Variants in MMP16 observed in about 807,000 individuals in gnomAD.
The protein encoded by MMP16 is matrix metallopeptidase 16.
MMP16 carries 12 observed loss-of-function variants against 67.8 expected under a neutral mutation model. That is an observed-to-expected ratio of 0.18 (90% CI 0.11 to 0.29). MMP16 has a LOEUF of 0.29. Among genes scored for constraint, MMP16 ranks in the 10% least tolerant of loss-of-function variants. The pLI is 1.00. For synonymous variants in MMP16, 249 were observed against 255.9 expected (o/e 0.97, Z 0.26); for missense variants, 475 against 765.7 (o/e 0.62, Z 4.48).
Position 88,036,673 on chromosome 8 carries a change from A to C in MMP16, c.*4788T>G, listed in dbSNP as rs1285072987. The C allele has an allele frequency of 6.6e-6, 1 of 151,928 alleles. No individual in the cohort carries two copies. Among genetic ancestry groups the C allele is most frequent in the East Asian group, 1.9e-4 (1 of 5,174 alleles). The allele number at this position is 151,928 out of a possible 1,614,324, so 9.4% of individuals were successfully genotyped here. ...TACAGCCGAATGATTAGATCCTCTT[A>C]TATGATTGACTTGACACATTTTGTG... On this transcript the variant is annotated 3_prime_UTR_variant, in exon 10 of 10. Transcript: ENST00000286614.
intron 8 of MMP16, among the ~76,000 whole-genome samples, chr8:88,051,614 C>T (rs945525233): frequency 5.3e-5 from 8 of 151,976 alleles, no homozygotes; most frequent in South Asian, 2.1e-4. Flanking sequence ...TATTTTTGAA[C>T]GACTCAAAAA....
chr8:88,155,131 C>T (rs188766226), intron 4 of MMP16, among the ~76,000 whole-genome samples: 38 of 152,012 alleles, frequency 2.5e-4, no homozygotes, highest in East Asian at 1.9e-4. Context: ...AATGTTTGGT[C>T]CAAATTTTGT....
intron 1 of MMP16, among the ~76,000 whole-genome samples, chr8:88,326,218 T>C (rs1380024335): frequency 1.1e-4 from 16 of 152,308 alleles, no homozygotes; most frequent in Admixed American, 8.5e-4. Context: ...ACGCTTTCAT[T>C]GATTTATTGC....
intron 4 of MMP16, among the ~76,000 whole-genome samples, chr8:88,141,039 A>G (rs1397572484): frequency 6.6e-6 from 1 of 152,192 alleles, no homozygotes; most frequent in East Asian, 1.9e-4. Flanking sequence ...CACAGAGAAA[A>G]TAACTGTAAC....
chr8:88,162,622 C>T (rs1340686059), intron 4 of MMP16, among the ~76,000 whole-genome samples: 1 of 151,938 alleles, frequency 6.6e-6, no homozygotes, highest in African/African-American at 2.4e-5. Flanking sequence ...CGTAAATATC[C>T]AGTTGGTATC....
At chr8:88,085,104 A>C (rs1274631386) in intron 6 of MMP16, among the ~76,000 whole-genome samples, 1 of 151,986 alleles carries the variant, frequency 6.6e-6, no homozygotes, top group Non-Finnish European at 1.5e-5. Flanking sequence ...TTTCACACTA[A>C]ATTTTGTTCT....
At chr8:88,065,493 A>G (rs1563521537) in intron 7 of MMP16, among the ~76,000 whole-genome samples, 1 of 152,018 alleles carries the variant, frequency 6.6e-6, no homozygotes, top group African/African-American at 2.4e-5. Flanking sequence ...ATTAATACTA[A>G]AATTCCATAA....
At chr8:88,298,053 G>A (rs908682617) in intron 1 of MMP16, among the ~76,000 whole-genome samples, 5 of 152,064 alleles carry the variant, frequency 3.3e-5, no homozygotes, top group Admixed American at 2.0e-4. Flanking sequence ...AAAAGGCAGG[G>A]AAAAAATGAT....
intron 4 of MMP16, among the ~76,000 whole-genome samples, chr8:88,165,651 T>C (rs1248361775): frequency 2.0e-5 from 3 of 152,152 alleles, no homozygotes; most frequent in African/African-American, 7.2e-5. Context: ...TTTTAAATGA[T>C]TTATGTGTCA....
intron 4 of MMP16, among the ~76,000 whole-genome samples, chr8:88,162,049 A>G (rs1808635647): frequency 6.6e-6 from 1 of 151,858 alleles, no homozygotes; most frequent in South Asian, 2.1e-4. Context: ...CTTTATTAAC[A>G]ACTCTATATT....
chr8:88,063,302 TG>T (rs1273022761), intron 7 of MMP16, among the ~76,000 whole-genome samples: 5 of 152,176 alleles, frequency 3.3e-5, no homozygotes, highest in Non-Finnish European at 7.4e-5. Flanking sequence ...CTGTTTATTA[TG>T]AGCCTATTAT....
chr8:88,072,116 T>C (rs1388338552), intron 7 of MMP16, among the ~76,000 whole-genome samples: 7 of 152,136 alleles, frequency 4.6e-5, no homozygotes, highest in African/African-American at 1.7e-4. Flanking sequence ...GATTACCTCA[T>C]GGCCCATAGA....
At chr8:88,220,895 C>G (rs28904620) in intron 1 of MMP16, among the ~76,000 whole-genome samples, 3 of 152,068 alleles carry the variant, frequency 2.0e-5, no homozygotes, top group Admixed American at 1.3e-4. Context: ...GTTGCTCCCT[C>G]CTGAAACCCT....
At chr8:88,251,388 G>A (rs1810218320) in intron 1 of MMP16, among the ~76,000 whole-genome samples, 1 of 149,952 alleles carries the variant, frequency 6.7e-6, no homozygotes, top group South Asian at 2.1e-4. Context: ...AACAAGCAAT[G>A]GGGAAAGGAT....
Position 88,035,377 on chromosome 8 carries a change from T to TGC in MMP16, c.*6082_*6083dup, listed in dbSNP as rs1808041245. On this transcript the variant is annotated 3_prime_UTR_variant, in exon 10 of 10. Transcript: ENST00000286614. The surrounding 1 kb of genome is among the most constrained non-coding windows in gnomAD (Gnocchi z 4.7). Reference sequence around the variant, plus strand: ...CCCTTTAATGTGAGGACACGCTGAGTGCACATTTGAATATCATCCCCAGTC... The same window carrying TGC: ...CCCTTTAATGTGAGGACACGCTGAGTGCGCACATTTGAATATCATCCCCAGTC... 6.6e-6 allele frequency: 1 copy of TGC among 152,074 alleles called. No homozygotes were observed. The highest frequency in any genetic ancestry group is 1.5e-5 in the Non-Finnish European group (1 of 67,958). 9.4% of individuals were successfully genotyped at this position (152,074 alleles called of 1,614,324 possible). A position where few individuals can be genotyped will look rare whatever the true frequency, so the allele number is the denominator to read the frequency against.
intron 1 of MMP16, among the ~76,000 whole-genome samples, chr8:88,289,102 G>A (rs964577215): frequency 1.3e-5 from 2 of 151,896 alleles, no homozygotes; most frequent in African/African-American, 4.8e-5. Flanking sequence ...AGATGGTACA[G>A]CCCAGAAAGA....
chr8:88,206,629 C>T (rs914500760), intron 1 of MMP16, among the ~76,000 whole-genome samples: 7 of 152,136 alleles, frequency 4.6e-5, no homozygotes, highest in Admixed American at 3.3e-4. Context: ...ACATAATTAT[C>T]TTACTTTTTA....
At chr8:88,157,996 TG>T (rs1215403420) in intron 4 of MMP16, among the ~76,000 whole-genome samples, 2 of 152,318 alleles carry the variant, frequency 1.3e-5, no homozygotes, top group East Asian at 3.9e-4. Flanking sequence ...ACAAAGGACA[TG>T]AACTCATCAT....
intron 4 of MMP16, among the ~76,000 whole-genome samples, 172 bp from the exon 5 acceptor site, chr8:88,119,033 T>C (rs757660063): frequency 6.6e-6 from 1 of 151,844 alleles, no homozygotes; most frequent in African/African-American, 2.4e-5. Flanking sequence ...TCCAATAACC[T>C]TTTTTCAAAA....
Sources: allele counts gnomAD v4.1 joint callset (sites outside exome capture counted in the v4.1 genomes callset), GRCh38; gene constraint gnomAD v4.1.1; non-coding constraint Gnocchi (gnomAD v3.1); transcripts MANE v1.5; gene names NCBI Gene and HGNC (gene_info 2026-07-23, HGNC 2026-07-21).